The following ZFYVE28 variants were observed in gnomAD, a reference collection of about 807,000 sequenced individuals.
The protein encoded by ZFYVE28 is zinc finger FYVE-type containing 28.
A neutral mutation model predicts 82.1 loss-of-function variants in ZFYVE28; 40 were observed. That is an observed-to-expected ratio of 0.49 (90% CI 0.38 to 0.63). The LOEUF is 0.63. Among genes scored for constraint, ZFYVE28 ranks in the 30% least tolerant of loss-of-function variants. The pLI is 0.00. For missense variants in ZFYVE28, 1,321 were observed against 1,242.1 expected, an observed-to-expected ratio of 1.06 and a Z score of -0.96; for synonymous variants, 612 against 546.1, an observed-to-expected ratio of 1.12 and a Z score of -1.68.
intron 7 of ZFYVE28, among the ~76,000 whole-genome samples, chr4:2,312,010 A>G (rs1404379978): frequency 3.9e-5 from 6 of 152,220 alleles, no homozygotes; most frequent in Non-Finnish European, 8.8e-5. Flanking sequence ...GAGGATGAAG[A>G]ATTTAAACAG....
chr4:2,320,308 T>A lies in ZFYVE28; in HGVS notation c.702-37A>T, dbSNP rs1269938351. On this transcript the variant is annotated intron_variant, in intron 6 of 12. Coordinates refer to ENST00000290974, the MANE Select transcript of ZFYVE28 (RefSeq NM_020972.3). This position sits in a 1 kb window ranked among gnomAD's most constrained non-coding sequence, Gnocchi z 5.1. ...ACACAAAAGCCAGGATGTCAGGCCC[T>A]GTGGCCCCCTGGGTGCCGCGGACGG... The A allele has an allele frequency of 1.9e-6, 3 of 1,587,884 alleles. No individual in the cohort carries two copies. Among genetic ancestry groups the A allele is most frequent in the Middle Eastern group, 3.3e-4 (2 of 5,972 alleles).
intron 1 of ZFYVE28, among the ~76,000 whole-genome samples, chr4:2,366,838 C>T (rs1171473543): frequency 6.6e-6 from 1 of 152,238 alleles, no homozygotes; most frequent in African/African-American, 2.4e-5. Context: ...CAAAGACATC[C>T]TCCTTACAGG....
chr4:2,323,410 G>A (rs1049154598), intron 6 of ZFYVE28, among the ~76,000 whole-genome samples: 1 of 152,118 alleles, frequency 6.6e-6, no homozygotes, highest in East Asian at 1.9e-4. Flanking sequence ...TCGATTTGTT[G>A]TTGAGTTGTA....
chr4:2,415,669 G>A (rs1235445323), intron 1 of ZFYVE28, among the ~76,000 whole-genome samples: 1 of 152,106 alleles, frequency 6.6e-6, no homozygotes, highest in East Asian at 1.9e-4. Flanking sequence ...TCCAGGCCCA[G>A]AATCTTCCCA....
intron 8 of ZFYVE28, among the ~76,000 whole-genome samples, chr4:2,296,736 C>T (rs1034222674): frequency 5.9e-5 from 9 of 152,170 alleles, no homozygotes; most frequent in Admixed American, 1.3e-4. Flanking sequence ...GGGGCGGCAC[C>T]TGCTGCTCAA....
At position 2,418,334 on chromosome 4, in the gene ZFYVE28, G is replaced by T; in HGVS notation, c.-11C>A. 6.6e-7 allele frequency: 1 copy of T among 1,506,960 alleles called. No homozygotes were observed. Among genetic ancestry groups the T allele is most frequent in the Non-Finnish European group, 8.9e-7 (1 of 1,125,490 alleles). The allele number at this position is 1,506,960 out of a possible 1,614,324, so 93.3% of individuals were successfully genotyped here. A position where few individuals can be genotyped will look rare whatever the true frequency, so the allele number is the denominator to read the frequency against. ...GAACCTGTTCATCATCGCCGCGCCGGCCCTGGCCGGACTCCGGGCGGCCCT... is the reference window on the plus strand; with the variant it reads ...GAACCTGTTCATCATCGCCGCGCCGTCCCTGGCCGGACTCCGGGCGGCCCT... On this transcript the variant is annotated 5_prime_UTR_variant, in exon 1 of 13. Coordinates refer to ENST00000290974, the MANE Select transcript of ZFYVE28 (RefSeq NM_020972.3). The surrounding 1 kb of genome is among the most constrained non-coding windows in gnomAD (Gnocchi z 4.6).
intron 6 of ZFYVE28, chr4:2,330,237 A>G: frequency 1.0e-6 from 1 of 973,990 alleles, no homozygotes; most frequent in Non-Finnish European, 1.2e-6. Flanking sequence ...ACGACTGTGC[A>G]CTGTAGATGG....
At chr4:2,316,414 C>T (rs1718218172) in intron 7 of ZFYVE28, 1 of 152,344 alleles carries the variant, frequency 6.6e-6, no homozygotes, top group Non-Finnish European at 1.5e-5. Context: ...ATCAGCATAG[C>T]ACACTAGGAT....
chr4:2,337,028 A>G (rs11937573), intron 5 of ZFYVE28, among the ~76,000 whole-genome samples: 89,874 of 119,312 alleles, frequency 0.75, 34,772 homozygotes, highest in African/African-American at 0.9. Context: ...GAGTGAGGAC[A>G]TGAGGAGTGA....
At chr4:2,291,221 G>A (rs539893309) in intron 8 of ZFYVE28, among the ~76,000 whole-genome samples, 3 of 152,352 alleles carry the variant, frequency 2.0e-5, no homozygotes, top group South Asian at 2.1e-4. Flanking sequence ...CAGCATCACC[G>A]CGGTTGAAAC....
At chr4:2,331,114 G>C (rs1165764680) in intron 6 of ZFYVE28, 3 of 329,472 alleles carry the variant, frequency 9.1e-6, no homozygotes, top group African/African-American at 4.8e-5. Context: ...AGGGAGGGAG[G>C]GGTAGATTCT....
At position 2,329,601 on chromosome 4, in the gene ZFYVE28, C is replaced by T. The variant is rs115177511; in HGVS notation, c.701+6104G>A. On this transcript the variant is annotated intron_variant, in intron 6 of 12. Coordinates refer to ENST00000290974, the MANE Select transcript of ZFYVE28 (RefSeq NM_020972.3). ...AACCCTAAGAAAGGGTCAAAATGGCCAATTTTGTTATGTATATTTTACCAC... is the reference window on the plus strand; with the variant it reads ...AACCCTAAGAAAGGGTCAAAATGGCTAATTTTGTTATGTATATTTTACCAC... 9.3e-3 allele frequency among the ~76,000 whole-genome samples: 1,415 copies of T among 152,040 alleles called. 20 individuals carry two copies. Among genetic ancestry groups the T allele is most frequent in the African/African-American group, 0.032 (1,346 of 41,478 alleles).
At position 2,271,299 on chromosome 4, in the gene ZFYVE28, G is replaced by A. The variant is rs372386526; in HGVS notation, c.2532+12C>T. The A allele has an allele frequency of 6.2e-7, 1 of 1,611,382 alleles. No individual in the cohort carries two copies. Among genetic ancestry groups the A allele is most frequent in the African/African-American group, 1.3e-5 (1 of 74,920 alleles). On this transcript the variant is annotated intron_variant, in intron 12 of 12. Coordinates refer to ENST00000290974, the MANE Select transcript of ZFYVE28 (RefSeq NM_020972.3). The stretch of plus-strand genomic sequence containing the variant: ...ATGCTGAGGGACCCTCCGTGCAAGG[G>A]GTCTCACCCACCTTCCCACAGCTGC...
intron 2 of ZFYVE28, among the ~76,000 whole-genome samples, chr4:2,346,186 CA>C (rs1292181022): frequency 7.6e-6 from 1 of 132,122 alleles, no homozygotes; most frequent in African/African-American, 2.9e-5. Context: ...AAAAAAAATA[CA>C]AAAAATTAGC....
At chr4:2,277,668 C>T (rs984527649) in intron 8 of ZFYVE28, among the ~76,000 whole-genome samples, 2 of 152,052 alleles carry the variant, frequency 1.3e-5, no homozygotes, top group African/African-American at 4.8e-5. Context: ...AACAACAAAA[C>T]ATTGTTGAAA....
At chr4:2,378,633 G>A (rs928295122) in intron 1 of ZFYVE28, among the ~76,000 whole-genome samples, 3 of 152,084 alleles carry the variant, frequency 2.0e-5, no homozygotes, top group Non-Finnish European at 4.4e-5. Flanking sequence ...CCCGACTCCC[G>A]GCTGGGGCTG....
intron 10 of ZFYVE28, among the ~76,000 whole-genome samples, chr4:2,272,213 C>T (rs1361829443): frequency 1.3e-5 from 2 of 152,154 alleles, no homozygotes; most frequent in Admixed American, 6.5e-5. Context: ...AGAGCTGGGT[C>T]GGCACATGGG....
intron 2 of ZFYVE28, among the ~76,000 whole-genome samples, chr4:2,351,327 C>T (rs1010354783): frequency 6.6e-6 from 1 of 152,124 alleles, no homozygotes; most frequent in Non-Finnish European, 1.5e-5. Flanking sequence ...TAGGAAAAAC[C>T]ATTACCTAGA....
chr4:2,330,835 G>A, intron 6 of ZFYVE28: 12 of 1,535,124 alleles, frequency 7.8e-6, no homozygotes, highest in Non-Finnish European at 1.0e-5. Context: ...CAGGGCAGCG[G>A]GTGCGTGGGG....
Sources: gnomAD v4.1 joint callset for allele counts (sites outside exome capture counted in the v4.1 genomes callset) on GRCh38, gnomAD v4.1.1 for gene constraint, Gnocchi (gnomAD v3.1) non-coding constraint, MANE v1.5 for transcripts, NCBI Gene and HGNC (gene_info 2026-07-23, HGNC 2026-07-21) for gene names.